Variants in EYS observed in about 807,000 individuals in gnomAD.
The protein encoded by EYS is protein eyes shut homolog.
EYS carries 250 observed loss-of-function variants against 282.1 expected under a neutral mutation model. The ratio of observed to expected loss-of-function variants is 0.89; its 90% CI spans 0.80 to 0.98. The LOEUF (loss-of-function observed/expected upper bound fraction) is 0.98. Ranked by LOEUF, EYS falls within the 50% of genes least tolerant of loss-of-function variation. EYS has a pLI of 0.00. For synonymous variants in EYS, 1,355 were observed against 1,282.9 expected, an observed-to-expected ratio of 1.06 and a Z score of -1.20; for missense variants, 4,016 against 3,709.0, an observed-to-expected ratio of 1.08 and a Z score of -2.15.
At position 64,677,232 on chromosome 6, in the gene EYS, G is replaced by A. The variant is rs74593124; in HGVS notation, c.3444-50987C>T. ...GCATTTCATAACTGTTTTGCCTTCA[G>A]TTTAGTGTTATTTTTTAACCAGGAT... is the stretch of plus-strand genomic sequence containing the variant. On this transcript the variant is annotated intron_variant, in intron 22 of 42. Coordinates refer to ENST00000503581, the MANE Select transcript of EYS (RefSeq NM_001142800.2). Among the ~76,000 whole-genome samples, 879 of 152,024 alleles carry A rather than the reference G, an allele frequency of 5.8e-3. 3 individuals carry two copies. The highest frequency in any genetic ancestry group is 9.8e-3 in the Non-Finnish European group (667 of 67,970).
rs141532497 is a variant in EYS at position 64,294,169 on chromosome 6, A to G, written c.6191+12801T>C. Among the ~76,000 whole-genome samples the G allele has an allele frequency of 6.1e-4, 93 of 152,308 alleles. No homozygotes were observed. In the East Asian group the frequency reaches 0.017, roughly 27 times the overall value. ...AAAACCTTGGTAAAATGATTCAAGC[A>G]AACATAAAACCAAATAACAATCCCC... On this transcript the variant is annotated intron_variant, in intron 30 of 42. Coordinates refer to ENST00000503581, the MANE Select transcript of EYS (RefSeq NM_001142800.2).
chr6:65,312,332 C>T (rs1391172376), intron 11 of EYS, among the ~76,000 whole-genome samples: 1 of 151,618 alleles, frequency 6.6e-6, no homozygotes, highest in Non-Finnish European at 1.5e-5. Flanking sequence ...ATTAAGTGAT[C>T]AGTTATTGCT....
intron 30 of EYS, among the ~76,000 whole-genome samples, chr6:64,295,490 G>GAAGAAGAAGAAGAAGAAGAAGA (rs1554140729): frequency 3.5e-5 from 1 of 28,174 alleles, no homozygotes; most frequent in Non-Finnish European, 6.1e-5. Flanking sequence ...AGAAGAAGAA[G>GAAGAAGAAGAAGAAGAAGAAGA]AAGAAGAAAG....
At chr6:65,486,245 A>G (rs1324235514) in intron 5 of EYS, among the ~76,000 whole-genome samples, 1 of 152,238 alleles carries the variant, frequency 6.6e-6, no homozygotes, top group African/African-American at 2.4e-5. Flanking sequence ...AATGGAACTA[A>G]TTTGTTGTGA....
chr6:63,976,621 TCA>T (rs1419559552), intron 35 of EYS, among the ~76,000 whole-genome samples: 1 of 152,074 alleles, frequency 6.6e-6, no homozygotes, highest in African/African-American at 2.4e-5. Context: ...CTATAAAAGC[TCA>T]GTCTCTTGAA....
intron 26 of EYS, among the ~76,000 whole-genome samples, chr6:64,558,441 C>G (rs1400351243): frequency 1.3e-5 from 2 of 152,024 alleles, no homozygotes; most frequent in Non-Finnish European, 2.9e-5. Context: ...ACCACACAAC[C>G]AAGAACTCTT....
intron 31 of EYS, among the ~76,000 whole-genome samples, chr6:64,195,165 C>T (rs1277925486): frequency 6.6e-6 from 1 of 152,046 alleles, no homozygotes; most frequent in Non-Finnish European, 1.5e-5. Flanking sequence ...AACTGCATCC[C>T]TTTCTTCTAG....
intron 11 of EYS, among the ~76,000 whole-genome samples, chr6:65,316,593 C>A (rs1167036647): frequency 6.6e-6 from 1 of 151,028 alleles, no homozygotes; most frequent in African/African-American, 2.4e-5. Flanking sequence ...AACCCATCAT[C>A]TACATTAGGT....
chr6:63,799,021 AAT>A (rs1770719692), intron 37 of EYS, among the ~76,000 whole-genome samples: 4 of 106,994 alleles, frequency 3.7e-5, no homozygotes, highest in Non-Finnish European at 5.9e-5. Context: ...ATATATATAT[AAT>A]TTTTTTTTTT....
Position 63,742,146 on chromosome 6 carries a change from C to A in EYS, c.8072-15466G>T, listed in dbSNP as rs1582161758. Among the ~76,000 whole-genome samples the A allele has an allele frequency of 2.0e-5, 3 of 152,156 alleles. No homozygotes were observed. In the South Asian group the frequency reaches 6.2e-4, roughly 32 times the overall value. On this transcript the variant is annotated intron_variant, in intron 41 of 42. Coordinates refer to ENST00000503581, the MANE Select transcript of EYS (RefSeq NM_001142800.2). ...GACAAGGCTGATGCTTCTTGGCAGACCATTTATGAATCCAAATCAGCTTTT... is the reference window on the plus strand; with the variant it reads ...GACAAGGCTGATGCTTCTTGGCAGAACATTTATGAATCCAAATCAGCTTTT...
chr6:65,331,462 T>C (rs1008891373), intron 11 of EYS: 8 of 843,722 alleles, frequency 9.5e-6, no homozygotes, highest in Non-Finnish European at 1.1e-5. Context: ...GCAACTGATA[T>C]AGAGAAACTT....
At chr6:64,272,980 T>C (rs987297909) in intron 30 of EYS, among the ~76,000 whole-genome samples, 1 of 152,202 alleles carries the variant, frequency 6.6e-6, no homozygotes, top group Non-Finnish European at 1.5e-5. Flanking sequence ...ATTCCCTTAA[T>C]GTTTTTGTAT....
At position 63,721,222 on chromosome 6, in the gene EYS, A is replaced by G; in HGVS notation, c.8809T>C (p.Cys2937Arg). The G allele has an allele frequency of 6.4e-7, 1 of 1,551,784 alleles. No individual in the cohort carries two copies. Among genetic ancestry groups the G allele is most frequent in the Middle Eastern group, 1.7e-4 (1 of 5,998 alleles). ...CCCACCCAACCCAAAGTACACAGGC[A>G]ACTGTAAGAAAATGATTGGTCAGGT... The part of the protein sequence containing the change: ...CIPDQSFSYS[C>R]LCTLGWVGRY... Residue 2937 changes from cysteine to arginine, a missense_variant, in exon 43 of 43, where the codon TGC (cysteine) becomes CGC (arginine). Transcript: ENST00000503581.
chr6:65,462,016 T>A (rs1337124166), intron 5 of EYS, among the ~76,000 whole-genome samples: 1 of 152,128 alleles, frequency 6.6e-6, no homozygotes, highest in Admixed American at 6.6e-5. Flanking sequence ...TATAGCAGTT[T>A]TATTCATAAT....
chr6:65,634,159 A>G (rs910586628), intron 2 of EYS, among the ~76,000 whole-genome samples: 9 of 152,166 alleles, frequency 5.9e-5, no homozygotes, highest in African/African-American at 2.2e-4. Flanking sequence ...GATTGCAGTC[A>G]TTACTTAGTA....
intron 11 of EYS, among the ~76,000 whole-genome samples, chr6:65,318,619 TAAA>T (rs1219692282): frequency 6.8e-6 from 1 of 147,680 alleles, no homozygotes; most frequent in East Asian, 1.9e-4. Flanking sequence ...ATAATATATA[TAAA>T]ATATATATAA....
At chr6:64,444,349 T>C (rs188975474) in intron 26 of EYS, among the ~76,000 whole-genome samples, 8 of 152,318 alleles carry the variant, frequency 5.3e-5, no homozygotes, top group Admixed American at 1.3e-4. Flanking sequence ...GAAATAAAGC[T>C]AATTTTTAAA....
At chr6:64,277,836 C>G (rs1178278451) in intron 30 of EYS, among the ~76,000 whole-genome samples, 1 of 152,076 alleles carries the variant, frequency 6.6e-6, no homozygotes, top group Non-Finnish European at 1.5e-5. Flanking sequence ...CAAATAGCAT[C>G]TAGTCTAATC....
At position 63,899,350 on chromosome 6, in the gene EYS, C is replaced by T. The variant is rs554259426; in HGVS notation, c.7056-34992G>A. ...GATATCCCCAACTAGATCCTCAAGG[C>T]ACAGGGTTGGGGCAGGCAGGGCACC... On this transcript the variant is annotated intron_variant, in intron 35 of 42. Coordinates refer to ENST00000503581, the MANE Select transcript of EYS (RefSeq NM_001142800.2). 1.1e-4 allele frequency among the ~76,000 whole-genome samples: 16 copies of T among 152,224 alleles called. No individual in the cohort carries two copies. The South Asian group carries it at 2.9e-3, about 28-fold the overall frequency.
Sources: allele counts gnomAD v4.1 joint callset (sites outside exome capture counted in the v4.1 genomes callset), GRCh38; gene constraint gnomAD v4.1.1; transcripts MANE v1.5; gene names NCBI Gene and HGNC (gene_info 2026-07-23, HGNC 2026-07-21).